The following TRIM37 variants were observed in gnomAD, a reference collection of about 807,000 sequenced individuals.
TRIM37 encodes the protein E3 ubiquitin-protein ligase TRIM37.
A neutral mutation model predicts 129.8 loss-of-function variants in TRIM37; 80 were observed. The observed-to-expected ratio is 0.62, with a 90% confidence interval of 0.51 to 0.74. TRIM37 has a LOEUF of 0.74. TRIM37 is among the 30% of genes least tolerant of loss of function. The pLI, the probability that TRIM37 is intolerant of heterozygous loss-of-function variation, is 0.00. For synonymous variants in TRIM37, 389 were observed against 387.1 expected (o/e 1.00, Z -0.06); for missense variants, 1,054 against 1,176.5 (o/e 0.90, Z 1.52).
chr17:59,036,447 G>GTGTGTGTGTGTGTGTGTGT (rs2038497208), intron 17 of TRIM37, among the ~76,000 whole-genome samples: 1 of 140,582 alleles, frequency 7.1e-6, no homozygotes, highest in African/African-American at 2.7e-5. Context: ...ATTTGCTGGG[G>GTGTGTGTGTGTGTGTGTGT]GTGTGTGTGT....
chr17:59,016,867 T>C (rs1487437141), intron 20 of TRIM37, among the ~76,000 whole-genome samples: 1 of 152,062 alleles, frequency 6.6e-6, no homozygotes, highest in African/African-American at 2.4e-5. Flanking sequence ...TAAGGGTCTG[T>C]TCTGTTGAGA....
At chr17:59,059,433 T>C (rs2041271696) in intron 12 of TRIM37, 1 of 151,936 alleles carries the variant, frequency 6.6e-6, no homozygotes, top group African/African-American at 2.4e-5. Flanking sequence ...TGGAGTGCAG[T>C]GGTGCGGACA....
chr17:59,001,562 T>C (rs959184904), intron 23 of TRIM37, 36 bp downstream of exon 23: 1 of 1,612,942 alleles, frequency 6.2e-7, no homozygotes, highest in African/African-American at 1.3e-5. Flanking sequence ...AGCGGTGGTT[T>C]TAGTAATCTG....
At chr17:58,999,533 C>T (rs2033406697) in intron 23 of TRIM37, 74 bp from the exon 24 acceptor site, 1 of 1,207,242 alleles carries the variant, frequency 8.3e-7, no homozygotes, top group Non-Finnish European at 1.2e-6. Flanking sequence ...CTTCCCAAGT[C>T]TTTAAATAAT....
At chr17:58,996,712 T>C (rs1267572939), downstream of TRIM37, among the ~76,000 whole-genome samples, 1 of 148,904 alleles carries the variant, frequency 6.7e-6, no homozygotes, top group Non-Finnish European at 1.5e-5. Context: ...GAGGCTGCAG[T>C]GAGCCAAGCT....
Position 59,001,629 on chromosome 17 carries a change from G to C in TRIM37, c.2781C>G (p.Ser927=), listed in dbSNP as rs1327146039. 6.2e-7 allele frequency: 1 copy of C among 1,614,026 alleles called. No individual in the cohort carries two copies. Among genetic ancestry groups the C allele is most frequent in the South Asian group, 1.1e-5 (1 of 91,076 alleles). The change falls in exon 23 of 24, where the codon TCC becomes TCG. Residue 927 remains serine, a synonymous_variant. Transcript: ENST00000262294. The stretch of plus-strand genomic sequence containing the variant: ...CCGGGGGCTGTGTCATGACCATGAA[G>C]GAGTCGTGAAACCCGCCCACACTGG... ...EHTSVGGFHD[S]FMVMTQPPDE...
At chr17:59,043,416 T>C (rs2039462292) in intron 16 of TRIM37, among the ~76,000 whole-genome samples, 1 of 152,206 alleles carries the variant, frequency 6.6e-6, no homozygotes, top group Non-Finnish European at 1.5e-5. Flanking sequence ...AGTGGGCATC[T>C]GCAGTATTTG....
intron 7 of TRIM37, among the ~76,000 whole-genome samples, chr17:59,077,203 T>C (rs2042883118): frequency 6.6e-6 from 1 of 151,034 alleles, no homozygotes; most frequent in African/African-American, 2.4e-5. Flanking sequence ...CAAGCGATCC[T>C]CCCACCTCAG....
chr17:59,017,483 T>C, intron 19 of TRIM37, 59 bp from the exon 20 acceptor site: 1 of 1,612,320 alleles, frequency 6.2e-7, no homozygotes, highest in Non-Finnish European at 8.5e-7. Flanking sequence ...ACTCACTATT[T>C]AGTCTGTCAG....
chr17:59,028,744 C>A, intron 18 of TRIM37, 21 bp from the exon 19 acceptor site: 1 of 1,612,656 alleles, frequency 6.2e-7, no homozygotes, highest in South Asian at 1.1e-5. Context: ...ATTGACAAGT[C>A]ATGTTAACAT....
intron 16 of TRIM37, among the ~76,000 whole-genome samples, 179 bp from the exon 17 acceptor site, chr17:59,042,077 C>G (rs1568063042): frequency 1.3e-5 from 2 of 151,988 alleles, no homozygotes; most frequent in Admixed American, 6.6e-5. Flanking sequence ...ATTGTTTAAA[C>G]AACCTTTAAA....
intron 9 of TRIM37, among the ~76,000 whole-genome samples, chr17:59,064,818 C>T (rs1277649988): frequency 2.0e-5 from 3 of 151,994 alleles, no homozygotes; most frequent in Admixed American, 6.6e-5. Flanking sequence ...GGCTGAGGCA[C>T]GAGAATCACT....
At chr17:59,037,762 ATACT>A (rs2038713880) in intron 17 of TRIM37, among the ~76,000 whole-genome samples, 1 of 151,964 alleles carries the variant, frequency 6.6e-6, no homozygotes, top group Non-Finnish European at 1.5e-5. Context: ...ACTAAATCCT[ATACT>A]TTATTGAGAT....
downstream of TRIM37, among the ~76,000 whole-genome samples, chr17:58,995,721 G>A (rs2032921086): frequency 6.6e-6 from 1 of 152,134 alleles, no homozygotes; most frequent in African/African-American, 2.4e-5. Context: ...CGACTACTAG[G>A]TGCTAAAATT....
At chr17:59,091,243 G>T in intron 3 of TRIM37, 57 bp downstream of exon 3, 2 of 1,378,524 alleles carry the variant, frequency 1.5e-6, no homozygotes, top group East Asian at 2.5e-5. Context: ...GAATCCCAAG[G>T]CACATTCTGA....
At chr17:59,003,295 C>T (rs1290363510) in intron 22 of TRIM37, among the ~76,000 whole-genome samples, 1 of 152,138 alleles carries the variant, frequency 6.6e-6, no homozygotes, top group East Asian at 1.9e-4. Flanking sequence ...AAAAGTCTTA[C>T]CTCAAAATTC....
At chr17:59,070,985 A>G in intron 8 of TRIM37, 38 bp from the exon 9 acceptor site, 1 of 1,611,094 alleles carries the variant, frequency 6.2e-7, no homozygotes, top group Non-Finnish European at 8.5e-7. Flanking sequence ...AAACAAAATT[A>G]CTATTCACTG....
At chr17:59,005,382 C>G (rs1424785034) in intron 22 of TRIM37, among the ~76,000 whole-genome samples, 1 of 152,154 alleles carries the variant, frequency 6.6e-6, no homozygotes, top group Non-Finnish European at 1.5e-5. Flanking sequence ...CTCCCAGGTT[C>G]AAGCAATTCT....
intron 19 of TRIM37, among the ~76,000 whole-genome samples, chr17:59,023,058 T>C (rs1426206742): frequency 6.6e-6 from 1 of 152,064 alleles, no homozygotes; most frequent in African/African-American, 2.4e-5. Context: ...TAGAAGGATG[T>C]ACCTTTTAAC....
Sources: gnomAD v4.1 joint callset for allele counts (sites outside exome capture counted in the v4.1 genomes callset) on GRCh38, gnomAD v4.1.1 for gene constraint, MANE v1.5 for transcripts, NCBI Gene and HGNC (gene_info 2026-07-23, HGNC 2026-07-21) for gene names.